The following MYRIP variants were observed in gnomAD, a reference collection of about 807,000 sequenced individuals.
MYRIP encodes rab effector MyRIP.
In MYRIP, 49 loss-of-function variants were observed where a neutral mutation model predicts 98.0. The observed-to-expected ratio is 0.50, with a 90% confidence interval of 0.40 to 0.63. The LOEUF (loss-of-function observed/expected upper bound fraction) is 0.63, where lower values mean the gene tolerates loss of function less well. Among genes scored for constraint, MYRIP ranks in the 30% least tolerant of loss-of-function variants. The pLI is 0.00. For synonymous variants in MYRIP, 404 were observed against 409.5 expected, an observed-to-expected ratio of 0.99 and a Z score of 0.16; for missense variants, 1,004 against 1,058.2, an observed-to-expected ratio of 0.95 and a Z score of 0.71.
intron 3 of MYRIP, among the ~76,000 whole-genome samples, chr3:40,088,705 T>C (rs892736713): frequency 2.0e-5 from 3 of 152,192 alleles, no homozygotes; most frequent in Non-Finnish European, 2.9e-5. Flanking sequence ...TCTCTGTGGC[T>C]GGAGCCTGTG....
chr3:40,145,598 T>C (rs1235946337), intron 3 of MYRIP, among the ~76,000 whole-genome samples: 1 of 152,178 alleles, frequency 6.6e-6, no homozygotes, highest in Non-Finnish European at 1.5e-5. Context: ...AGAGGGACTT[T>C]AGAATCTCAC....
intron 8 of MYRIP, among the ~76,000 whole-genome samples, chr3:40,172,472 G>A (rs188850393): frequency 4.1e-4 from 62 of 152,298 alleles, no homozygotes; most frequent in African/African-American, 1.3e-3. Context: ...AATAGTGGTT[G>A]TGTGGCTAGA....
At chr3:39,822,899 C>T (rs1251712802) in intron 1 of MYRIP, among the ~76,000 whole-genome samples, 1 of 149,766 alleles carries the variant, frequency 6.7e-6, no homozygotes, top group Admixed American at 6.6e-5. Flanking sequence ...AATAGTATTT[C>T]CTGGTGTATA....
chr3:39,867,821 C>A (rs1261061601), intron 1 of MYRIP, among the ~76,000 whole-genome samples: 1 of 152,160 alleles, frequency 6.6e-6, no homozygotes, highest in Non-Finnish European at 1.5e-5. Context: ...GAAACAACAT[C>A]ATTATTTCAA....
chr3:40,222,922 G>C lies in MYRIP; in HGVS notation c.1906-10937G>C, dbSNP rs1055973569. 3.3e-5 allele frequency among the ~76,000 whole-genome samples: 5 copies of C among 152,310 alleles called. No individual in the cohort carries two copies. In the East Asian group the frequency reaches 5.8e-4, roughly 18 times the overall value. The stretch of plus-strand genomic sequence containing the variant: ...CACAGTATGGTTCAAGTGGTTCTGA[G>C]ATTTACGGTGGAACTTCCCATTTCA... On this transcript the variant is annotated intron_variant, in intron 11 of 16. Coordinates refer to ENST00000302541, the MANE Select transcript of MYRIP (RefSeq NM_015460.4).
At chr3:39,816,617 T>C (rs1316580837) in intron 1 of MYRIP, among the ~76,000 whole-genome samples, 2 of 152,164 alleles carry the variant, frequency 1.3e-5, no homozygotes, top group Admixed American at 6.5e-5. Context: ...GAGCGTTGAT[T>C]TGGAGTCCTG....
chr3:40,040,669 A>G (rs1472228015), intron 2 of MYRIP, among the ~76,000 whole-genome samples: 1 of 68,734 alleles, frequency 1.5e-5, no homozygotes, highest in African/African-American at 5.5e-5. Context: ...ATGAGTTCAT[A>G]TCCTTTGTAG....
intron 3 of MYRIP, among the ~76,000 whole-genome samples, chr3:40,118,747 C>A (rs1304900265): frequency 1.3e-5 from 2 of 151,780 alleles, no homozygotes; most frequent in African/African-American, 4.8e-5. Flanking sequence ...TGCTATCCCT[C>A]CCCCCTCCTC....
chr3:40,242,935 C>G (rs1953070872), intron 12 of MYRIP, among the ~76,000 whole-genome samples: 1 of 151,794 alleles, frequency 6.6e-6, no homozygotes, highest in African/African-American at 2.4e-5. Context: ...ACTCAAATAC[C>G]TTTGAAATAC....
At chr3:40,059,098 C>T (rs1947946360) in intron 3 of MYRIP, among the ~76,000 whole-genome samples, 1 of 152,154 alleles carries the variant, frequency 6.6e-6, no homozygotes. Context: ...CATGTCCCTG[C>T]AAAGGACATG....
At chr3:40,065,653 G>A (rs1227097873) in intron 3 of MYRIP, among the ~76,000 whole-genome samples, 1 of 152,140 alleles carries the variant, frequency 6.6e-6, no homozygotes, top group Non-Finnish European at 1.5e-5. Context: ...TCAGTGAGAA[G>A]GTGACAGTTT....
At chr3:40,256,604 A>G (rs1953599685) in intron 16 of MYRIP, among the ~76,000 whole-genome samples, 1 of 152,160 alleles carries the variant, frequency 6.6e-6, no homozygotes, top group Non-Finnish European at 1.5e-5. Flanking sequence ...TCAATTTTTT[A>G]TATATACAAT....
chr3:39,884,335 A>C (rs1049053321), intron 1 of MYRIP, among the ~76,000 whole-genome samples: 1 of 152,056 alleles, frequency 6.6e-6, no homozygotes, highest in South Asian at 2.1e-4. Flanking sequence ...AGAAAACACA[A>C]TTGTGATGGT....
Position 39,908,967 on chromosome 3 carries a change from G to T in MYRIP, c.110+8041G>T, listed in dbSNP as rs573817457. On this transcript the variant is annotated intron_variant, in intron 2 of 16. Transcript: ENST00000302541. The stretch of plus-strand genomic sequence containing the variant: ...TGTACTAACACTTTGGCATTAACCT[G>T]CCCAGTTAATGAATCTGCTGTCTCA... Among the ~76,000 whole-genome samples the T allele has an allele frequency of 7.2e-5, 11 of 152,288 alleles. 1 individual carries two copies. The highest frequency in any genetic ancestry group is 2.4e-4 in the African/African-American group (10 of 41,556).
At position 39,823,261 on chromosome 3, in the gene MYRIP, G is replaced by A. The variant is rs112922249; in HGVS notation, c.-31+13345G>A. Among the ~76,000 whole-genome samples, 236 of 152,136 alleles carry A rather than the reference G, an allele frequency of 1.6e-3. 1 individual carries two copies. Among genetic ancestry groups the A allele is most frequent in the African/African-American group, 5.5e-3 (228 of 41,472 alleles). On this transcript the variant is annotated intron_variant, in intron 1 of 16. Transcript: ENST00000302541. ...TCTTCTGACTTCAAGTGATCTGCCCGCCTCGGCCTCCCAAAGTGCTGGGAT... is the reference window on the plus strand; with the variant it reads ...TCTTCTGACTTCAAGTGATCTGCCCACCTCGGCCTCCCAAAGTGCTGGGAT...
intron 3 of MYRIP, among the ~76,000 whole-genome samples, chr3:40,093,414 A>C (rs1948765175): frequency 2.0e-5 from 3 of 152,264 alleles, no homozygotes; most frequent in Non-Finnish European, 4.4e-5. Flanking sequence ...TGTGTTCCAC[A>C]GGACCGAACA....
chr3:40,127,163 TGAA>T (rs1337296901), intron 3 of MYRIP, among the ~76,000 whole-genome samples: 1 of 152,258 alleles, frequency 6.6e-6, no homozygotes, highest in Non-Finnish European at 1.5e-5. Flanking sequence ...TTAAATCTAA[TGAA>T]GATTTTCTTT....
chr3:40,068,704 A>C (rs1948168943), intron 3 of MYRIP, among the ~76,000 whole-genome samples: 1 of 152,240 alleles, frequency 6.6e-6, no homozygotes, highest in Admixed American at 6.5e-5. Context: ...ACATTGATTG[A>C]CTGAGCCAGA....
chr3:40,144,305 A>G (rs998326976), intron 3 of MYRIP, among the ~76,000 whole-genome samples: 2 of 152,186 alleles, frequency 1.3e-5, no homozygotes, highest in Admixed American at 6.5e-5. Context: ...GGGGGCATCT[A>G]TTACCAAGAT....
Sources: allele counts gnomAD v4.1 joint callset (sites outside exome capture counted in the v4.1 genomes callset), GRCh38; gene constraint gnomAD v4.1.1; transcripts MANE v1.5; gene names NCBI Gene and HGNC (gene_info 2026-07-23, HGNC 2026-07-21).